Variants in MTAP observed in about 807,000 individuals in gnomAD.
The protein encoded by MTAP is methylthioadenosine phosphorylase.
Under a neutral mutation model 33.6 loss-of-function variants are expected in MTAP, and 33 were observed. That is an observed-to-expected ratio of 0.98 (90% CI 0.74 to 1.31). MTAP has a LOEUF of 1.31. Ranked by LOEUF, MTAP falls within the 40% of genes most tolerant of loss-of-function variation. MTAP has a pLI of 0.00. For synonymous variants in MTAP, 148 were observed against 125.7 expected, an observed-to-expected ratio of 1.18 and a Z score of -1.19; for missense variants, 367 against 360.0, an observed-to-expected ratio of 1.02 and a Z score of -0.16.
At chr9:21,818,316 G>GTTTT in intron 4 of MTAP, 114 bp downstream of exon 4, 2 of 235,084 alleles carry the variant, frequency 8.5e-6, no homozygotes, top group Non-Finnish European at 1.5e-5. Flanking sequence ...AGACTCGCTT[G>GTTTT]CTTTTTTTTT....
chr9:21,919,733 TC>T (rs1216369013), intron 1 of MTAP, among the ~76,000 whole-genome samples: 1 of 152,000 alleles, frequency 6.6e-6, no homozygotes, highest in African/African-American at 2.4e-5. Flanking sequence ...AGCTTAGAGG[TC>T]AAGGTGGAGT....
At position 21,862,091 on chromosome 9, in the gene MTAP, A is replaced by G; in HGVS notation, c.*77A>G. ...GGGAATTCCTGCTTAACTTGAAAAA[A>G]ATATGGGAAAGACATGCAGCTTTCA... On this transcript the variant is annotated 3_prime_UTR_variant, in exon 8 of 8. Transcript: ENST00000644715. The G allele has an allele frequency of 1.9e-6, 3 of 1,608,780 alleles. No individual in the cohort carries two copies. The highest frequency in any genetic ancestry group is 2.2e-5 in the East Asian group (1 of 44,768).
At chr9:21,933,391 C>T (rs920472807), downstream of MTAP, 1 of 152,240 alleles carries the variant, frequency 6.6e-6, no homozygotes, top group East Asian at 1.9e-4. Context: ...ACCAGACACT[C>T]TTAACCAATG....
intron 4 of MTAP, among the ~76,000 whole-genome samples, chr9:21,826,504 A>T (rs2118177596): frequency 6.6e-6 from 1 of 151,930 alleles, no homozygotes; most frequent in East Asian, 1.9e-4. Context: ...CCAGGTTTGA[A>T]TTCTTGGCAA....
At chr9:21,834,817 G>GTTA (rs1338536338) in intron 4 of MTAP, among the ~76,000 whole-genome samples, 1 of 152,190 alleles carries the variant, frequency 6.6e-6, no homozygotes, top group African/African-American at 2.4e-5. Context: ...GGTTCTAAGG[G>GTTA]TTAGCATGTG....
rs892181311 is a variant in MTAP at position 21,908,576 on chromosome 9, A to G, written c.148-22432A>G. ...AAGTAAGTTTCTTATATAGTAGATC[A>G]TGTTTTTAAATCCGCTCTGACAATC... is the stretch of plus-strand genomic sequence containing the variant. On this transcript the variant is annotated intron_variant, in intron 1 of 1. Coordinates refer to the MTAP transcript ENST00000577563. 4.6e-5 allele frequency among the ~76,000 whole-genome samples: 7 copies of G among 152,146 alleles called. No individual in the cohort carries two copies. In the East Asian group the frequency reaches 9.6e-4, roughly 21 times the overall value.
intron 4 of MTAP, among the ~76,000 whole-genome samples, chr9:21,826,414 G>A (rs990924163): frequency 6.6e-6 from 1 of 151,090 alleles, no homozygotes; most frequent in Admixed American, 6.6e-5. Flanking sequence ...GTTACTAATT[G>A]TATCAAGTGT....
At chr9:21,819,316 G>T (rs1388917280) in intron 4 of MTAP, among the ~76,000 whole-genome samples, 5 of 152,010 alleles carry the variant, frequency 3.3e-5, no homozygotes, top group African/African-American at 1.2e-4. Flanking sequence ...AGAGGCCCTG[G>T]TGTGTGATGT....
intron 1 of MTAP, among the ~76,000 whole-genome samples, chr9:21,905,563 C>A (rs1277779302): frequency 2.0e-5 from 3 of 152,082 alleles, no homozygotes; most frequent in Non-Finnish European, 4.4e-5. Flanking sequence ...TTTTTCACTA[C>A]AGGAGGTTAG....
chr9:21,899,559 A>G (rs1818354791), intron 1 of MTAP, among the ~76,000 whole-genome samples: 2 of 152,156 alleles, frequency 1.3e-5, no homozygotes, highest in Admixed American at 6.5e-5. Context: ...ACTTACAGTC[A>G]TGGTGGAAGG....
At chr9:21,933,355 A>T (rs911786722), downstream of MTAP, 3 of 152,230 alleles carry the variant, frequency 2.0e-5, no homozygotes, top group Admixed American at 1.3e-4. Flanking sequence ...GTCTCTCTGC[A>T]TCAGGAAGAA....
At position 21,816,708 on chromosome 9, in the gene MTAP, A is replaced by T. The variant is rs763876510; in HGVS notation, c.121-6A>T. 4 of 1,609,138 alleles carry T rather than the reference A, an allele frequency of 2.5e-6. No homozygotes were observed. In the South Asian group the frequency reaches 4.5e-5, roughly 18 times the overall value. ...GAGTTAAATGTCATTTTTTCATTGC[A>T]TGCAGCCATCTGATGCCTTAATTTT... On this transcript the variant is annotated splice_region_variant and splice_polypyrimidine_tract_variant and intron_variant, in intron 2 of 7. Transcript: ENST00000644715.
At chr9:21,896,474 A>C (rs1371581861) in intron 1 of MTAP, among the ~76,000 whole-genome samples, 1 of 152,182 alleles carries the variant, frequency 6.6e-6, no homozygotes, top group Admixed American at 6.5e-5. Flanking sequence ...GATCAAAAAA[A>C]TTGATAGACC....
At chr9:21,930,048 G>A (rs1818931882) in intron 1 of MTAP, 2 of 424,956 alleles carry the variant, frequency 4.7e-6, no homozygotes, top group Middle Eastern at 3.7e-4. Context: ...CAATGCCCAA[G>A]CTCATGCAGT....
chr9:21,811,787 A>G, intron 1 of MTAP: 1 of 526,714 alleles, frequency 1.9e-6, no homozygotes, highest in Non-Finnish European at 3.9e-6. Context: ...TTTGCACCGA[A>G]GTATACCTGT....
In MTAP at chr9:21,865,247, CT is replaced by C. The variant is rs1467674398; in HGVS notation, c.*3237del. On this transcript the variant is annotated 3_prime_UTR_variant, in exon 8 of 8. Transcript: ENST00000644715. ...CAAGTCCTGTTTGTTTTATAAGGGG[CT>C]TTTCCCCCTTTTGCTCAACACTTCT... 4.5e-6 allele frequency: 2 copies of C among 442,780 alleles called. No individual in the cohort carries two copies. Among genetic ancestry groups the C allele is most frequent in the Non-Finnish European group, 6.0e-6 (2 of 334,048 alleles). 27.4% of individuals were successfully genotyped at this position (442,780 alleles called of 1,614,324 possible).
chr9:21,936,287 A>T (rs547541261), exon 8 of MTAP: 5 of 152,204 alleles, frequency 3.3e-5, no homozygotes, highest in Admixed American at 2.0e-4. Context: ...GGCATTCCAC[A>T]TTGGAGGCCA....
chr9:21,808,606 AC>A (rs57161253), intron 1 of MTAP, among the ~76,000 whole-genome samples: 74,777 of 136,024 alleles, frequency 0.55, 21,044 homozygotes, highest in African/African-American at 0.71. Flanking sequence ...AAAAAAAAAA[AC>A]ACACACACAC....
intron 1 of MTAP, among the ~76,000 whole-genome samples, chr9:21,904,294 C>T (rs533131688): frequency 1.3e-5 from 2 of 152,290 alleles, no homozygotes; most frequent in African/African-American, 4.8e-5. Context: ...AGAGGTATGG[C>T]AGGCCAGGGT....
Sources: allele counts gnomAD v4.1 joint callset (sites outside exome capture counted in the v4.1 genomes callset), GRCh38; gene constraint gnomAD v4.1.1; transcripts MANE v1.5; gene names NCBI Gene and HGNC (gene_info 2026-07-23, HGNC 2026-07-21).